BMPR1A: variants seen among roughly 807,000 people sequenced by gnomAD.
BMPR1A encodes bone morphogenetic protein receptor type-1A.
A neutral mutation model predicts 66.0 loss-of-function variants in BMPR1A; 7 were observed. The observed-to-expected ratio is 0.11, with a 90% CI of 0.06 to 0.20. BMPR1A has a LOEUF of 0.20. Ranked by LOEUF, BMPR1A falls within the 10% of genes least tolerant of loss-of-function variation. The pLI, the probability that BMPR1A is intolerant of heterozygous loss-of-function variation, is 1.00. For missense variants in BMPR1A, 408 were observed against 669.1 expected (o/e 0.61, Z 4.31); for synonymous variants, 200 against 229.7 (o/e 0.87, Z 1.17).
At chr10:86,851,955 A>G (rs1261092332) in intron 2 of BMPR1A, among the ~76,000 whole-genome samples, 1 of 152,200 alleles carries the variant, frequency 6.6e-6, no homozygotes, top group Non-Finnish European at 1.5e-5. Flanking sequence ...CGAGCTAGGC[A>G]TGGTGACAGA....
chr10:86,865,089 C>T (rs1162661447), intron 2 of BMPR1A, among the ~76,000 whole-genome samples: 2 of 151,774 alleles, frequency 1.3e-5, no homozygotes, highest in Non-Finnish European at 3.0e-5. Context: ...ATCGTATCCC[C>T]TGTGACTTGC....
intron 1 of BMPR1A, among the ~76,000 whole-genome samples, chr10:86,782,491 C>T (rs745374826): frequency 2.2e-4 from 34 of 151,920 alleles, no homozygotes; most frequent in Non-Finnish European, 7.4e-5. Flanking sequence ...CTTGCCAACA[C>T]TTGGTTTTCT....
intron 7 of BMPR1A, among the ~76,000 whole-genome samples, chr10:86,909,238 AAGGTCAATAGTTAAAGC>A (rs1339878521): frequency 1.3e-5 from 2 of 152,178 alleles, no homozygotes; most frequent in Non-Finnish European, 2.9e-5. Flanking sequence ...TCCCCAGTGT[AAGGTCAATAGTTAAAGC>A]CTAAGACTGA....
intron 2 of BMPR1A, among the ~76,000 whole-genome samples, chr10:86,865,501 ACT>A (rs770449800): frequency 1.7e-4 from 26 of 151,918 alleles, no homozygotes; most frequent in Non-Finnish European, 2.5e-4. Context: ...CCCTTCGCTG[ACT>A]CTCTTTTAGG....
At position 86,768,028 on chromosome 10, in the gene BMPR1A, T is replaced by C. The variant is rs1341900026; in HGVS notation, c.-268+11109T>C. 2.0e-5 allele frequency among the ~76,000 whole-genome samples: 3 copies of C among 152,342 alleles called. No homozygotes were observed. In the East Asian group the frequency reaches 5.8e-4, roughly 29 times the overall value. On this transcript the variant is annotated intron_variant, in intron 1 of 12. Transcript: ENST00000372037. ...AGTAAGATGGTACACATGCCCCAAA[T>C]TCGGACAGCCCCCTTGGGTCACATT...
chr10:86,884,694 C>T (rs1843046473), intron 3 of BMPR1A, among the ~76,000 whole-genome samples: 1 of 152,098 alleles, frequency 6.6e-6, no homozygotes, highest in African/African-American at 2.4e-5. Context: ...GGACTACAGG[C>T]GTGAGCCACC....
chr10:86,906,868 C>G (rs955173972), intron 7 of BMPR1A, among the ~76,000 whole-genome samples: 23 of 150,696 alleles, frequency 1.5e-4, no homozygotes, highest in African/African-American at 5.3e-4. Flanking sequence ...GTTTTTCTCA[C>G]TTGTTTTTTC....
At chr10:86,818,476 T>C (rs766266170) in intron 1 of BMPR1A, among the ~76,000 whole-genome samples, 3 of 152,206 alleles carry the variant, frequency 2.0e-5, no homozygotes, top group Non-Finnish European at 4.4e-5. Flanking sequence ...AGGGCGCAGA[T>C]GAAGAGGCTT....
At chr10:86,868,345 G>A (rs189131185) in intron 2 of BMPR1A, among the ~76,000 whole-genome samples, 9 of 152,346 alleles carry the variant, frequency 5.9e-5, no homozygotes, top group Non-Finnish European at 1.2e-4. Context: ...AAATAACTGC[G>A]AGTGGTGTTG....
intron 8 of BMPR1A, among the ~76,000 whole-genome samples, chr10:86,915,872 T>C (rs910109187): frequency 1.3e-5 from 2 of 152,220 alleles, no homozygotes; most frequent in African/African-American, 2.4e-5. Context: ...TCACTAATGC[T>C]TCTGAAAATG....
intron 2 of BMPR1A, among the ~76,000 whole-genome samples, chr10:86,851,807 G>T (rs976944454): frequency 6.6e-6 from 1 of 152,328 alleles, no homozygotes; most frequent in Non-Finnish European, 1.5e-5. Context: ...GAGGAGAGGG[G>T]AGGAGAGTAG....
At chr10:86,892,760 G>T (rs573815249) in intron 5 of BMPR1A, among the ~76,000 whole-genome samples, 9 of 151,804 alleles carry the variant, frequency 5.9e-5, no homozygotes, top group Non-Finnish European at 5.9e-5. Context: ...CTACTTGGGA[G>T]GCTGAGGCAG....
chr10:86,903,773 A>C (rs1843345637), intron 7 of BMPR1A, among the ~76,000 whole-genome samples: 1 of 150,938 alleles, frequency 6.6e-6, no homozygotes, highest in Non-Finnish European at 1.5e-5. Flanking sequence ...CACCATGCCT[A>C]AGTTTTTGTA....
chr10:86,836,005 T>A (rs1842341057), intron 1 of BMPR1A, among the ~76,000 whole-genome samples: 1 of 152,240 alleles, frequency 6.6e-6, no homozygotes, highest in South Asian at 2.1e-4. Flanking sequence ...AGCTTGCATA[T>A]GTTTTTTAAA....
At chr10:86,808,625 A>T (rs1181581737) in intron 1 of BMPR1A, among the ~76,000 whole-genome samples, 1 of 152,196 alleles carries the variant, frequency 6.6e-6, no homozygotes, top group Non-Finnish European at 1.5e-5. Context: ...TCTCCCATAA[A>T]ATGGAAGAAG....
At chr10:86,905,203 C>G (rs984277713) in intron 7 of BMPR1A, among the ~76,000 whole-genome samples, 1 of 152,138 alleles carries the variant, frequency 6.6e-6, no homozygotes, top group Non-Finnish European at 1.5e-5. Context: ...TCCTCAAAAC[C>G]TATACCTTCT....
At chr10:86,775,086 G>A (rs553142532) in intron 1 of BMPR1A, among the ~76,000 whole-genome samples, 1 of 152,330 alleles carries the variant, frequency 6.6e-6, no homozygotes, top group African/African-American at 2.4e-5. Context: ...GTAAATATTT[G>A]AAGGGAAGGT....
chr10:86,856,360 C>A (rs937717583), intron 2 of BMPR1A: 2 of 364,462 alleles, frequency 5.5e-6, no homozygotes, highest in Admixed American at 3.7e-5. Context: ...GAGTAGTCTG[C>A]GGGTCTGGAC....
chr10:86,875,088 T>A (rs896474826), intron 2 of BMPR1A, among the ~76,000 whole-genome samples: 1 of 151,868 alleles, frequency 6.6e-6, no homozygotes, highest in Non-Finnish European at 1.5e-5. Context: ...TATGTGTAAT[T>A]TTCGCCTGGC....
Sources: gnomAD v4.1 joint callset for allele counts (sites outside exome capture counted in the v4.1 genomes callset) on GRCh38, gnomAD v4.1.1 for gene constraint, MANE v1.5 for transcripts, NCBI Gene and HGNC (gene_info 2026-07-23, HGNC 2026-07-21) for gene names.